TAX1BP1: variants seen among roughly 807,000 people sequenced by gnomAD.
TAX1BP1 encodes tax1-binding protein 1.
TAX1BP1 carries 62 observed loss-of-function variants against 97.7 expected under a neutral mutation model. That is an observed-to-expected ratio of 0.63 (90% CI 0.52 to 0.78). The LOEUF (loss-of-function observed/expected upper bound fraction) is 0.78. Ranked by LOEUF, TAX1BP1 falls within the 30% of genes least tolerant of loss-of-function variation. The pLI is 0.00. For synonymous variants in TAX1BP1, 340 were observed against 304.2 expected, an observed-to-expected ratio of 1.12 and a Z score of -1.23; for missense variants, 867 against 916.1, an observed-to-expected ratio of 0.95 and a Z score of 0.69.
Position 27,759,124 on chromosome 7 carries a change from G to C in TAX1BP1, c.265+991G>C, listed in dbSNP as rs574952844. Among the ~76,000 whole-genome samples the C allele has an allele frequency of 3.9e-5, 6 of 151,922 alleles. No homozygotes were observed. In the East Asian group the frequency reaches 1.2e-3, roughly 29 times the overall value. Reference sequence around the variant, plus strand: ...CTTGTATATGTCATAGATTTCTTTTGGTCTGGTGAAGTTTATGGACTCTGT... The same window carrying C: ...CTTGTATATGTCATAGATTTCTTTTCGTCTGGTGAAGTTTATGGACTCTGT... On this transcript the variant is annotated intron_variant, in intron 3 of 16. Coordinates refer to ENST00000396319, the MANE Select transcript of TAX1BP1 (RefSeq NM_006024.7).
intron 13 of TAX1BP1, among the ~76,000 whole-genome samples, chr7:27,807,084 T>C (rs548933583): frequency 2.6e-5 from 4 of 152,198 alleles, no homozygotes; most frequent in Non-Finnish European, 4.4e-5. Flanking sequence ...CTTGAACTTT[T>C]TGTAGTTTTA....
At chr7:27,758,227 C>T in intron 3 of TAX1BP1, 94 bp downstream of exon 3, 1 of 958,340 alleles carries the variant, frequency 1.0e-6, no homozygotes, top group Non-Finnish European at 1.6e-6. Flanking sequence ...TCAGGTATCT[C>T]CAGGGTACCA....
At chr7:27,757,899 A>T in intron 2 of TAX1BP1, 132 bp from the exon 3 acceptor site, 1 of 511,314 alleles carries the variant, frequency 2.0e-6, no homozygotes. Context: ...ATGCTTGTTA[A>T]AATACTCATG....
chr7:27,806,637 G>A (rs958998801), intron 13 of TAX1BP1, among the ~76,000 whole-genome samples: 1 of 152,040 alleles, frequency 6.6e-6, no homozygotes, highest in Admixed American at 6.6e-5. Flanking sequence ...TAGTAACATG[G>A]TGTTTTAATT....
Position 27,785,164 on chromosome 7 carries a change from G to C in TAX1BP1, c.614G>C (p.Gly205Ala). The C allele has an allele frequency of 1.2e-6, 2 of 1,604,966 alleles. No individual in the cohort carries two copies. The highest frequency in any genetic ancestry group is 1.7e-6 in the Non-Finnish European group (2 of 1,177,252). Reference sequence around the variant, plus strand: ...AAATACCTTGTTGTCACTTCTCAGGGTCTTACTGAAGTAACACAAAGCTTA... The same window carrying C: ...AAATACCTTGTTGTCACTTCTCAGGCTCTTACTGAAGTAACACAAAGCTTA... ...RCDQLQAEQK[G>A]LTEVTQSLKM... Residue 205 changes from glycine (G) to alanine (A), a missense_variant and splice_region_variant, in exon 6 of 17, where the codon GGT (glycine) becomes GCT (alanine). Transcript: ENST00000396319.
At chr7:27,771,220 G>A (rs1788837539) in intron 5 of TAX1BP1, among the ~76,000 whole-genome samples, 1 of 140,194 alleles carries the variant, frequency 7.1e-6, no homozygotes, top group South Asian at 2.3e-4. Context: ...ATTTATACCT[G>A]GATTTGGTAG....
rs1391704442 is a variant in TAX1BP1 at position 27,785,124 on chromosome 7, TTC to T, written c.613-37_613-36del. On this transcript the variant is annotated intron_variant, in intron 5 of 16. Transcript: ENST00000396319. ...TGCAAATTTGCTTTACTGATTATGT[TTC>T]TGTGTTTTCTCAAAATACCTTGTTG... is the stretch of plus-strand genomic sequence containing the variant. 7 of 1,566,290 alleles carry T rather than the reference TTC, an allele frequency of 4.5e-6. No individual in the cohort carries two copies. The South Asian group carries it at 8.5e-5, about 19-fold the overall frequency.
At position 27,822,691 on chromosome 7, in the gene TAX1BP1, T is replaced by C. The variant is rs142223001; in HGVS notation, c.2086-5047T>C. Among the ~76,000 whole-genome samples the C allele has an allele frequency of 6.2e-4, 94 of 152,338 alleles. 3 individuals carry two copies. In the East Asian group the frequency reaches 0.017, roughly 28 times the overall value. Reference sequence around the variant, plus strand: ...TTCAAATCCTTCTGCTGTTTTCAAATTGGGCCCCTTATCAGATAATAGGGT... The same window carrying C: ...TTCAAATCCTTCTGCTGTTTTCAAACTGGGCCCCTTATCAGATAATAGGGT... On this transcript the variant is annotated intron_variant, in intron 15 of 16. Transcript: ENST00000396319.
At chr7:27,746,309 A>C (rs1034052393) in intron 1 of TAX1BP1, among the ~76,000 whole-genome samples, 1 of 151,862 alleles carries the variant, frequency 6.6e-6, no homozygotes, top group Admixed American at 6.6e-5. Context: ...AGTTGTATCT[A>C]ATAGATGTTG....
At chr7:27,766,043 G>C in intron 4 of TAX1BP1, 22 bp downstream of exon 4, 1 of 1,599,324 alleles carries the variant, frequency 6.3e-7, no homozygotes, top group Non-Finnish European at 8.5e-7. Flanking sequence ...CAGTGAGATA[G>C]TGATTCATTG....
At chr7:27,786,720 A>C (rs957535219) in intron 7 of TAX1BP1, among the ~76,000 whole-genome samples, 1 of 152,208 alleles carries the variant, frequency 6.6e-6, no homozygotes, top group African/African-American at 2.4e-5. Context: ...TGTGAACAGG[A>C]ATTAGTCCTT....
chr7:27,764,986 T>C (rs1208493610), intron 3 of TAX1BP1, among the ~76,000 whole-genome samples: 1 of 3,384 alleles, frequency 3.0e-4, no homozygotes, highest in East Asian at 6.4e-3. Flanking sequence ...TCTTATCTTA[T>C]AGATTGTCTG....
At chr7:27,787,912 C>T (rs918299143) in intron 8 of TAX1BP1, among the ~76,000 whole-genome samples, 12 of 152,068 alleles carry the variant, frequency 7.9e-5, no homozygotes, top group Middle Eastern at 3.4e-3. Context: ...GCCATGACAC[C>T]GTTATTACAC....
intron 2 of TAX1BP1, among the ~76,000 whole-genome samples, chr7:27,755,254 G>A (rs1267444254): frequency 6.6e-6 from 1 of 151,962 alleles, no homozygotes; most frequent in East Asian, 1.9e-4. Flanking sequence ...CTTTTTTGTG[G>A]GCGTTTTTCC....
chr7:27,742,322 C>T (rs535083901), intron 1 of TAX1BP1, among the ~76,000 whole-genome samples: 120 of 152,258 alleles, frequency 7.9e-4, no homozygotes, highest in African/African-American at 2.7e-3. Context: ...TCCCTGCAGG[C>T]TTCCACAGTT....
Position 27,785,569 on chromosome 7 carries a change from T to A in TAX1BP1, c.852+80T>A. 3 of 1,181,972 alleles carry A rather than the reference T, an allele frequency of 2.5e-6. No individual in the cohort carries two copies. In the East Asian group the frequency reaches 7.0e-5, roughly 28 times the overall value. The allele number at this position is 1,181,972 out of a possible 1,614,324, so 73.2% of individuals were successfully genotyped here. On this transcript the variant is annotated intron_variant, in intron 7 of 16. Coordinates refer to ENST00000396319, the MANE Select transcript of TAX1BP1 (RefSeq NM_006024.7). ...GAACTTAGGGGCTGTAGGTCAGCAA[T>A]TTAGGAGCAGCTTAGCTGAGTGGTT... is the stretch of plus-strand genomic sequence containing the variant.
intron 16 of TAX1BP1, among the ~76,000 whole-genome samples, chr7:27,828,331 GA>G (rs1317676492): frequency 6.6e-6 from 1 of 152,174 alleles, no homozygotes; most frequent in Non-Finnish European, 1.5e-5. Context: ...GTTAAACGTG[GA>G]AGAATTCTTG....
At chr7:27,790,361 A>G (rs995040088) in intron 8 of TAX1BP1, among the ~76,000 whole-genome samples, 1 of 151,926 alleles carries the variant, frequency 6.6e-6, no homozygotes, top group African/African-American at 2.4e-5. Flanking sequence ...CCTTATAGCA[A>G]TATGTAGGCA....
chr7:27,743,656 C>T (rs1371776193), intron 1 of TAX1BP1, among the ~76,000 whole-genome samples: 1 of 152,226 alleles, frequency 6.6e-6, no homozygotes, highest in Non-Finnish European at 1.5e-5. Flanking sequence ...TGAACCGACA[C>T]TTTACTAATC....
Sources: gnomAD v4.1 joint callset for allele counts (sites outside exome capture counted in the v4.1 genomes callset) on GRCh38, gnomAD v4.1.1 for gene constraint, MANE v1.5 for transcripts, NCBI Gene and HGNC (gene_info 2026-07-23, HGNC 2026-07-21) for gene names.